Variants in GRIN2A observed in about 807,000 individuals in gnomAD.
GRIN2A encodes the protein glutamate receptor ionotropic, NMDA 2A.
A neutral mutation model predicts 113.4 loss-of-function variants in GRIN2A; 22 were observed. That is an observed-to-expected ratio of 0.19 (90% CI 0.14 to 0.28). The LOEUF (loss-of-function observed/expected upper bound fraction) is 0.28. GRIN2A is among the 10% of genes least tolerant of loss of function. The pLI is 1.00. For synonymous variants in GRIN2A, 827 were observed against 738.4 expected, an observed-to-expected ratio of 1.12 and a Z score of -1.94; for missense variants, 1,502 against 1,887.0, an observed-to-expected ratio of 0.80 and a Z score of 3.78.
chr16:9,821,095 A>G (rs1386875566), intron 10 of GRIN2A, among the ~76,000 whole-genome samples: 3 of 152,074 alleles, frequency 2.0e-5, no homozygotes, highest in Admixed American at 2.0e-4. Context: ...ACACAAAGCC[A>G]GCAGCAAGGC....
intron 2 of GRIN2A, among the ~76,000 whole-genome samples, chr16:9,976,647 C>A (rs1235941121): frequency 6.6e-6 from 1 of 152,196 alleles, no homozygotes; most frequent in African/African-American, 2.4e-5. Flanking sequence ...GTCTTTTTAA[C>A]ACGACTAATA....
At chr16:10,095,730 T>C (rs1047170889) in intron 2 of GRIN2A, among the ~76,000 whole-genome samples, 1 of 152,140 alleles carries the variant, frequency 6.6e-6, no homozygotes, top group Non-Finnish European at 1.5e-5. Context: ...AAAGAGGAAA[T>C]AGCAACTTTA....
intron 2 of GRIN2A, among the ~76,000 whole-genome samples, chr16:10,132,768 G>C (rs775521210): frequency 6.6e-6 from 1 of 152,210 alleles, no homozygotes; most frequent in Non-Finnish European, 1.5e-5. Context: ...TGTAGCAGAA[G>C]ACCTGGCACT....
At chr16:9,816,716 G>C (rs1443390671) in intron 10 of GRIN2A, among the ~76,000 whole-genome samples, 1 of 152,176 alleles carries the variant, frequency 6.6e-6, no homozygotes, top group Non-Finnish European at 1.5e-5. Context: ...TAGAGTGGAT[G>C]TTCTTAAAAT....
At chr16:9,944,714 C>T (rs1338573963) in intron 2 of GRIN2A, among the ~76,000 whole-genome samples, 2 of 152,170 alleles carry the variant, frequency 1.3e-5, no homozygotes, top group African/African-American at 4.8e-5. Context: ...CAGCACCTTG[C>T]AGACTGCTGG....
At chr16:10,138,282 G>C (rs1287219907) in intron 2 of GRIN2A, among the ~76,000 whole-genome samples, 2 of 152,152 alleles carry the variant, frequency 1.3e-5, no homozygotes, top group East Asian at 3.8e-4. Flanking sequence ...GACTGTATTG[G>C]TTCATTTTCA....
chr16:10,173,047 C>T (rs186684866), intron 2 of GRIN2A, among the ~76,000 whole-genome samples: 17 of 152,282 alleles, frequency 1.1e-4, no homozygotes, highest in Admixed American at 3.3e-4. Context: ...AGGGCCCAAA[C>T]GATTGTCAGC....
chr16:10,106,453 C>T (rs12934614), intron 2 of GRIN2A, among the ~76,000 whole-genome samples: 1 of 151,360 alleles, frequency 6.6e-6, no homozygotes, highest in Non-Finnish European at 1.5e-5. Flanking sequence ...ATAAGAAAAA[C>T]CTCCCAAATC....
chr16:10,129,478 C>G (rs1404437476), intron 2 of GRIN2A, among the ~76,000 whole-genome samples: 1 of 152,054 alleles, frequency 6.6e-6, no homozygotes, highest in Non-Finnish European at 1.5e-5. Flanking sequence ...GCTACTTGAA[C>G]TTGGATGATC....
chr16:10,172,348 G>A (rs1210799412), intron 2 of GRIN2A, among the ~76,000 whole-genome samples: 1 of 152,232 alleles, frequency 6.6e-6, no homozygotes, highest in Non-Finnish European at 1.5e-5. Flanking sequence ...AACAGGGCCA[G>A]GTGTTATAGG....
intron 11 of GRIN2A, among the ~76,000 whole-genome samples, chr16:9,773,273 T>C (rs1422840797): frequency 6.6e-6 from 1 of 152,194 alleles, no homozygotes; most frequent in Non-Finnish European, 1.5e-5. Flanking sequence ...TATTCTGCCA[T>C]ATAAATAGAA....
chr16:9,855,483 A>G (rs2042951628), intron 4 of GRIN2A, among the ~76,000 whole-genome samples: 1 of 152,240 alleles, frequency 6.6e-6, no homozygotes, highest in Non-Finnish European at 1.5e-5. Flanking sequence ...AGTTTCTTCA[A>G]TGGCATTCCC....
chr16:9,887,787 C>T (rs775514195), intron 4 of GRIN2A, among the ~76,000 whole-genome samples: 3 of 152,112 alleles, frequency 2.0e-5, no homozygotes, highest in Admixed American at 6.6e-5. Flanking sequence ...TGGCCAGGCG[C>T]GTGGCTCACG....
rs780874490 is a variant in GRIN2A at position 9,763,144 on chromosome 16, G to T, written c.*5C>A. 4.3e-6 allele frequency: 7 copies of T among 1,613,402 alleles called. No individual in the cohort carries two copies. The highest frequency in any genetic ancestry group is 1.7e-4 in the Middle Eastern group (1 of 6,056). ...CCCTATAGATAAAACATTAATGGAA[G>T]ATTTTTAAACATCAGATTCGATACT... On this transcript the variant is annotated 3_prime_UTR_variant, in exon 13 of 13. Coordinates refer to ENST00000330684, the MANE Select transcript of GRIN2A (RefSeq NM_001134407.3).
At chr16:9,800,645 G>A (rs996930579) in intron 10 of GRIN2A, among the ~76,000 whole-genome samples, 4 of 151,922 alleles carry the variant, frequency 2.6e-5, no homozygotes, top group South Asian at 2.1e-4. Context: ...TGTAGGACTT[G>A]TCTCATCCAC....
intron 2 of GRIN2A, among the ~76,000 whole-genome samples, chr16:10,056,050 C>T (rs1208606318): frequency 6.6e-6 from 1 of 152,162 alleles, no homozygotes; most frequent in African/African-American, 2.4e-5. Flanking sequence ...AAGTTCATAT[C>T]CCTGGACAGC....
chr16:9,754,465 G>A lies in GRIN2A; in HGVS notation c.*8684C>T, dbSNP rs775072219. On this transcript the variant is annotated 3_prime_UTR_variant, in exon 13 of 13. Transcript: ENST00000330684. ...CATCCCTTCCCAGTGAAAAATTTGG[G>A]GAACATGAATGTTAAAAGTTCCACT... is the stretch of plus-strand genomic sequence containing the variant. 7.6e-5 allele frequency: 16 copies of A among 209,748 alleles called. No homozygotes were observed. The highest frequency in any genetic ancestry group is 1.3e-4 in the Non-Finnish European group (13 of 103,268). 13.0% of individuals were successfully genotyped at this position (209,748 alleles called of 1,614,324 possible).
Position 9,803,126 on chromosome 16 carries a change from C to T in GRIN2A, c.2169-4662G>A, listed in dbSNP as rs145832685. On this transcript the variant is annotated intron_variant, in intron 10 of 12. Transcript: ENST00000330684. ...CCTATGAAAAATGGAGCCAACTTGC[C>T]GGGCACAGTGGCTAGCGCCTAAAGT... Among the ~76,000 whole-genome samples, 476 of 152,000 alleles carry T rather than the reference C, an allele frequency of 3.1e-3. 3 individuals carry two copies. Among genetic ancestry groups the T allele is most frequent in the African/African-American group, 0.011 (453 of 41,466 alleles).
intron 3 of GRIN2A, among the ~76,000 whole-genome samples, chr16:9,892,154 C>T (rs188744139): frequency 2.6e-5 from 4 of 152,182 alleles, no homozygotes; most frequent in Admixed American, 1.3e-4. Flanking sequence ...TTGCTTGAAC[C>T]CGGGAAGCAG....
Sources: gnomAD v4.1 joint callset for allele counts (sites outside exome capture counted in the v4.1 genomes callset) on GRCh38, gnomAD v4.1.1 for gene constraint, MANE v1.5 for transcripts, NCBI Gene and HGNC (gene_info 2026-07-23, HGNC 2026-07-21) for gene names.